Variants in SKI observed in about 807,000 individuals in gnomAD.
SKI encodes the protein ski oncogene.
In SKI, 23 loss-of-function variants were observed where a neutral mutation model predicts 59.3. That is an observed-to-expected ratio of 0.39 (90% CI 0.28 to 0.55). The LOEUF (loss-of-function observed/expected upper bound fraction) is 0.55. SKI is among the 20% of genes least tolerant of loss of function. The pLI, the probability that SKI is intolerant of heterozygous loss-of-function variation, is 0.67. For missense variants in SKI, 1,017 were observed against 1,038.9 expected (o/e 0.98, Z 0.29); for synonymous variants, 673 against 488.6 (o/e 1.38, Z -4.98).
intron 1 of SKI, among the ~76,000 whole-genome samples, chr1:2,295,892 T>A (rs905772971): frequency 6.6e-6 from 1 of 152,238 alleles, no homozygotes; most frequent in Non-Finnish European, 1.5e-5. Context: ...TGAGCACTTG[T>A]GCACAAGCTG....
chr1:2,242,507 G>A (rs1638901674), intron 1 of SKI, among the ~76,000 whole-genome samples: 2 of 152,142 alleles, frequency 1.3e-5, no homozygotes, highest in Admixed American at 6.6e-5. Context: ...CTACCACATT[G>A]ATGGAAAGAT....
intron 1 of SKI, among the ~76,000 whole-genome samples, chr1:2,239,624 CGGTCCT>C (rs1638823444): frequency 6.6e-6 from 1 of 152,234 alleles, no homozygotes; most frequent in South Asian, 2.1e-4. Flanking sequence ...TGGCAAGGGC[CGGTCCT>C]GGTGGCGGGC....
rs942372849 is a variant in SKI at position 2,229,851 on chromosome 1, C to G, written c.969+116C>G. ...CCTGTGCTTCTGCCGTGCCCCATGT[C>G]TCCAGTCTTCGCTTTGTTTTAGGGA... is the stretch of plus-strand genomic sequence containing the variant. On this transcript the variant is annotated intron_variant, in intron 1 of 6. Coordinates refer to ENST00000378536, the MANE Select transcript of SKI (RefSeq NM_003036.4). The surrounding 1 kb of genome is among the most constrained non-coding windows in gnomAD (Gnocchi z 6.3). 3.3e-6 allele frequency: 5 copies of G among 1,509,326 alleles called. No homozygotes were observed. Among genetic ancestry groups the G allele is most frequent in the African/African-American group, 1.4e-5 (1 of 71,584 alleles). 93.5% of individuals were successfully genotyped at this position (1,509,326 alleles called of 1,614,324 possible). A position where few individuals can be genotyped will look rare whatever the true frequency, so the allele number is the denominator to read the frequency against.
chr1:2,285,870 GTTTTTTTTTT>G (rs77227502), intron 1 of SKI, among the ~76,000 whole-genome samples: 2 of 102,702 alleles, frequency 1.9e-5, no homozygotes, highest in Non-Finnish European at 3.7e-5. Context: ...CAGCCAGAAG[GTTTTTTTTTT>G]TTTTTTTTTT....
chr1:2,229,452 A>G lies in SKI; in HGVS notation c.686A>G (p.Lys229Arg), dbSNP rs780946165. 5 of 1,612,092 alleles carry G rather than the reference A, an allele frequency of 3.1e-6. No individual in the cohort carries two copies. The South Asian group carries it at 5.5e-5, about 18-fold the overall frequency. The part of the protein sequence containing the change: ...RVYHECFGKC[K>R]GLLVPELYSS... Reference sequence around the variant, plus strand: ...TACCACGAGTGCTTCGGCAAGTGTAAGGGGCTGCTGGTGCCCGAGCTCTAC... The same window carrying G: ...TACCACGAGTGCTTCGGCAAGTGTAGGGGGCTGCTGGTGCCCGAGCTCTAC... The change falls in exon 1 of 7, where the codon AAG becomes AGG. Residue 229 changes from lysine (K) to arginine (R), a missense_variant. Lys to Arg is a conservative substitution (Grantham distance 26). Transcript: ENST00000378536. This position sits in a 1 kb window ranked among gnomAD's most constrained non-coding sequence, Gnocchi z 6.3.
intron 1 of SKI, among the ~76,000 whole-genome samples, chr1:2,253,027 C>T (rs963397079): frequency 6.7e-6 from 1 of 150,352 alleles, no homozygotes; most frequent in African/African-American, 2.5e-5. Flanking sequence ...ATCCGGGAGG[C>T]AGAGGTTGCA....
intron 1 of SKI, among the ~76,000 whole-genome samples, chr1:2,247,400 C>G (rs887883412): frequency 1.3e-5 from 2 of 152,210 alleles, no homozygotes; most frequent in African/African-American, 4.8e-5. Context: ...GTGCTTCTCC[C>G]TCCTTTCTTC....
chr1:2,271,724 G>T (rs895658102), intron 1 of SKI, among the ~76,000 whole-genome samples: 13 of 151,624 alleles, frequency 8.6e-5, no homozygotes, highest in African/African-American at 2.7e-4. Flanking sequence ...CCCCTGGGGG[G>T]GGGTAGGGGG....
rs765902182 is a variant in SKI at position 2,303,250 on chromosome 1, C to T, written c.1096-35C>T. On this transcript the variant is annotated intron_variant, in intron 2 of 6. Transcript: ENST00000378536. The surrounding 1 kb of genome is among the most constrained non-coding windows in gnomAD (Gnocchi z 5.6). ...GGGACATGAAGTGGCTTGTTTTTCTCCTGGTCACTCACACAGACAACTCTT... is the reference window on the plus strand; with the variant it reads ...GGGACATGAAGTGGCTTGTTTTTCTTCTGGTCACTCACACAGACAACTCTT... The T allele has an allele frequency of 6.2e-7, 1 of 1,608,210 alleles. No homozygotes were observed. The highest frequency in any genetic ancestry group is 8.5e-7 in the Non-Finnish European group (1 of 1,176,214).
intron 1 of SKI, among the ~76,000 whole-genome samples, chr1:2,297,877 C>T (rs1640323134): frequency 6.6e-6 from 1 of 152,254 alleles, no homozygotes; most frequent in African/African-American, 2.4e-5. Flanking sequence ...GGAGGGTCCC[C>T]TTGCCCCGTG....
rs572658204 is a variant in SKI at position 2,263,985 on chromosome 1, G to A, written c.969+34250G>A. Among the ~76,000 whole-genome samples the A allele has an allele frequency of 2.0e-4, 31 of 151,298 alleles. No individual in the cohort carries two copies. The South Asian group carries it at 5.3e-3, about 26-fold the overall frequency. Reference sequence around the variant, plus strand: ...AAGCCCAGGAGTTCGAGAACAGCCTGGGCAACATAGGGAGACACTGTTTCT... The same window carrying A: ...AAGCCCAGGAGTTCGAGAACAGCCTAGGCAACATAGGGAGACACTGTTTCT... On this transcript the variant is annotated intron_variant, in intron 1 of 6. Coordinates refer to ENST00000378536, the MANE Select transcript of SKI (RefSeq NM_003036.4).
intron 1 of SKI, among the ~76,000 whole-genome samples, chr1:2,263,221 A>C (rs1268913492): frequency 2.8e-5 from 4 of 144,554 alleles, no homozygotes; most frequent in African/African-American, 1.0e-4. Context: ...TATTTGCTAA[A>C]ATTTTGCTTA....
chr1:2,271,931 G>T (rs995009228), intron 1 of SKI, among the ~76,000 whole-genome samples: 2 of 152,204 alleles, frequency 1.3e-5, no homozygotes, highest in Non-Finnish European at 2.9e-5. Flanking sequence ...CCCGTGGATG[G>T]CTGGCGGGAC....
In SKI at chr1:2,307,697, T is replaced by C. The variant is rs1357289393; in HGVS notation, c.*932T>C. ...AGAGCATTATTTCAATTTTTCTTTC[T>C]TTTTTTTTGTTCGTTCATTTAAACG... On this transcript the variant is annotated 3_prime_UTR_variant, in exon 7 of 7. Coordinates refer to ENST00000378536, the MANE Select transcript of SKI (RefSeq NM_003036.4). 6.7e-6 allele frequency: 1 copy of C among 150,040 alleles called. No homozygotes were observed. The highest frequency in any genetic ancestry group is 1.5e-5 in the Non-Finnish European group (1 of 67,874). 9.3% of individuals were successfully genotyped at this position (150,040 alleles called of 1,614,324 possible). A position where few individuals can be genotyped will look rare whatever the true frequency, so the allele number is the denominator to read the frequency against.
rs117443908 is a variant in SKI, at chr1:2,304,552, C to T, written c.1734C>T (p.Ser578=). ...GCGTGAAGCAGGAGGAGAAGCTCAG[C>T]GCAGCCCTGCAGGCCAAGCGCAGCC... ...KMRVKQEEKL[S]AALQAKRSLH... The change falls in exon 5 of 7, where the codon AGC becomes AGT. Residue 578 remains serine, a synonymous_variant. Transcript: ENST00000378536. The T allele has an allele frequency of 2.7e-4, 427 of 1,570,768 alleles. 1 individual carries two copies. The East Asian group carries it at 7.5e-3, about 28-fold the overall frequency.
At chr1:2,285,663 C>T (rs1460813588) in intron 1 of SKI, among the ~76,000 whole-genome samples, 3 of 150,886 alleles carry the variant, frequency 2.0e-5, no homozygotes, top group African/African-American at 7.3e-5. Flanking sequence ...CTCCCGGGTT[C>T]AGGCAGTTCT....
intron 1 of SKI, among the ~76,000 whole-genome samples, chr1:2,279,258 A>G (rs1639816701): frequency 6.6e-6 from 1 of 152,132 alleles, no homozygotes; most frequent in East Asian, 1.9e-4. Context: ...AGCCTGCTAG[A>G]CGCCCTGAGG....
rs754831305 is a variant in SKI at position 2,303,122 on chromosome 1, G to A, written c.1095+19G>A. 3.7e-6 allele frequency: 6 copies of A among 1,612,848 alleles called. No homozygotes were observed. In the African/African-American group the frequency reaches 8.0e-5, roughly 22 times the overall value. ...CAATAAGGTGCTGTGGGGCCTGTCG[G>A]GGTCCTTGGGGTGGTGGGTACTGGG... On this transcript the variant is annotated intron_variant, in intron 2 of 6. Transcript: ENST00000378536. This position sits in a 1 kb window ranked among gnomAD's most constrained non-coding sequence, Gnocchi z 5.6.
At chr1:2,302,470 C>A (rs893923713) in intron 1 of SKI, among the ~76,000 whole-genome samples, 2 of 152,198 alleles carry the variant, frequency 1.3e-5, no homozygotes, top group African/African-American at 4.8e-5. Context: ...CGCGACCACC[C>A]CTGTGCCGCA....
Sources: allele counts gnomAD v4.1 joint callset (sites outside exome capture counted in the v4.1 genomes callset), GRCh38; gene constraint gnomAD v4.1.1; non-coding constraint Gnocchi (gnomAD v3.1); transcripts MANE v1.5; gene names NCBI Gene and HGNC (gene_info 2026-07-23, HGNC 2026-07-21).